The following TBC1D32 variants were observed in gnomAD, a reference collection of about 807,000 sequenced individuals.
The protein encoded by TBC1D32 is TBC1 domain family member 32.
Under a neutral mutation model 170.3 loss-of-function variants are expected in TBC1D32, and 151 were observed. The observed-to-expected ratio is 0.89, with a 90% CI of 0.78 to 1.01. The LOEUF (loss-of-function observed/expected upper bound fraction) is 1.01, where lower values mean the gene tolerates loss of function less well. TBC1D32 is among the 50% of genes least tolerant of loss of function. The pLI is 0.00. For synonymous variants in TBC1D32, 498 were observed against 488.0 expected (o/e 1.02, Z -0.27); for missense variants, 1,464 against 1,457.1 (o/e 1.00, Z -0.08).
At chr6:121,286,977 T>C (rs537910575) in intron 12 of TBC1D32, among the ~76,000 whole-genome samples, 1 of 152,238 alleles carries the variant, frequency 6.6e-6, no homozygotes, top group East Asian at 1.9e-4. Context: ...CCACCAGGCC[T>C]GCCCTAAAAG....
In TBC1D32 at chr6:121,111,501, T is replaced by C. The variant is rs565441033; in HGVS notation, c.3324+1004A>G. On this transcript the variant is annotated intron_variant, in intron 29 of 31. Transcript: ENST00000398212. ...AATCTTCAAGTACAGTTTAAAGGAATAGAATTACTCAAATTCTGGTTAACA... is the reference window on the plus strand; with the variant it reads ...AATCTTCAAGTACAGTTTAAAGGAACAGAATTACTCAAATTCTGGTTAACA... Among the ~76,000 whole-genome samples the C allele has an allele frequency of 9.2e-5, 14 of 152,212 alleles. 1 individual carries two copies. Among genetic ancestry groups the C allele is most frequent in the South Asian group, 4.1e-4 (2 of 4,834 alleles).
At chr6:121,091,435 T>C (rs1159039479) in intron 30 of TBC1D32, among the ~76,000 whole-genome samples, 1 of 152,108 alleles carries the variant, frequency 6.6e-6, no homozygotes, top group Non-Finnish European at 1.5e-5. Context: ...CACAGATGTA[T>C]AATTATGCAG....
intron 21 of TBC1D32, among the ~76,000 whole-genome samples, chr6:121,211,610 C>T (rs1193803351): frequency 6.6e-6 from 1 of 152,168 alleles, no homozygotes; most frequent in African/African-American, 2.4e-5. Flanking sequence ...GTAATCGTCT[C>T]CAATTCCATC....
intron 30 of TBC1D32, among the ~76,000 whole-genome samples, chr6:121,092,097 C>A (rs1445349492): frequency 6.6e-6 from 1 of 152,052 alleles, no homozygotes; most frequent in East Asian, 1.9e-4. Context: ...TTGATTATGG[C>A]CTTTTGGCTC....
At chr6:121,161,205 T>C (rs1269096210) in intron 22 of TBC1D32, 149 bp from the exon 23 acceptor site, 7 of 688,402 alleles carry the variant, frequency 1.0e-5, no homozygotes, top group Non-Finnish European at 7.1e-6. Flanking sequence ...TATATAATTT[T>C]ATTAAGTTCA....
At chr6:121,140,279 C>T (rs1395548237) in intron 24 of TBC1D32, among the ~76,000 whole-genome samples, 1 of 151,256 alleles carries the variant, frequency 6.6e-6, no homozygotes, top group Non-Finnish European at 1.5e-5. Context: ...TATACCTCCC[C>T]CCACCCTGAT....
chr6:121,085,916 G>T (rs1776227956), intron 31 of TBC1D32, among the ~76,000 whole-genome samples: 1 of 151,986 alleles, frequency 6.6e-6, no homozygotes, highest in South Asian at 2.1e-4. Flanking sequence ...GTATAAGAGG[G>T]TATTTCTGAC....
chr6:121,281,464 A>G (rs1051878354), intron 14 of TBC1D32, 80 bp downstream of exon 14: 3 of 1,148,106 alleles, frequency 2.6e-6, no homozygotes, highest in Non-Finnish European at 3.7e-6. Flanking sequence ...AAATATTTCA[A>G]ATTTAGAAAT....
chr6:121,267,153 G>T (rs1316813191), intron 15 of TBC1D32, among the ~76,000 whole-genome samples: 43 of 150,832 alleles, frequency 2.9e-4, no homozygotes, highest in Non-Finnish European at 5.5e-4. Flanking sequence ...TCGGGGGGAG[G>T]TTCCAAGATG....
intron 30 of TBC1D32, among the ~76,000 whole-genome samples, chr6:121,094,838 T>C (rs910950023): frequency 5.3e-5 from 8 of 152,164 alleles, no homozygotes; most frequent in African/African-American, 1.9e-4. Context: ...CTATAAAGAA[T>C]ACTATAATAA....
intron 24 of TBC1D32, among the ~76,000 whole-genome samples, chr6:121,150,904 A>G (rs1784131758): frequency 1.3e-5 from 2 of 149,576 alleles, no homozygotes. Flanking sequence ...TTTCTTCTTT[A>G]GTAGTCTGGC....
chr6:121,275,637 G>T (rs534925622), intron 15 of TBC1D32, among the ~76,000 whole-genome samples: 2 of 152,086 alleles, frequency 1.3e-5, no homozygotes, highest in East Asian at 3.9e-4. Flanking sequence ...GGGATACCTC[G>T]TACTTCCCAT....
At chr6:121,321,847 A>G in intron 1 of TBC1D32, 53 bp from the exon 2 acceptor site, 1 of 1,438,160 alleles carries the variant, frequency 7.0e-7, no homozygotes, top group Non-Finnish European at 9.3e-7. Flanking sequence ...GCATATTCAG[A>G]AAAAAAAATC....
At chr6:121,266,257 C>G (rs1424914408) in intron 15 of TBC1D32, among the ~76,000 whole-genome samples, 1 of 151,846 alleles carries the variant, frequency 6.6e-6, no homozygotes, top group African/African-American at 2.4e-5. Context: ...AAAAAGTAGA[C>G]ATGAATGGAC....
chr6:121,298,019 T>G (rs941504773), intron 10 of TBC1D32, among the ~76,000 whole-genome samples: 3 of 152,100 alleles, frequency 2.0e-5, no homozygotes, highest in African/African-American at 7.2e-5. Context: ...TGGAGTGGTC[T>G]GCAATTTCCA....
At chr6:121,315,927 G>C (rs1045191905) in intron 3 of TBC1D32, among the ~76,000 whole-genome samples, 1 of 151,948 alleles carries the variant, frequency 6.6e-6, no homozygotes, top group Non-Finnish European at 1.5e-5. Flanking sequence ...CTTCTTGATG[G>C]GCAGAGCTCA....
intron 20 of TBC1D32, among the ~76,000 whole-genome samples, chr6:121,224,016 A>C (rs1562969208): frequency 6.6e-6 from 1 of 152,162 alleles, no homozygotes; most frequent in Non-Finnish European, 1.5e-5. Flanking sequence ...ATCACTAAGC[A>C]TCAAATCTAA....
At chr6:121,294,352 G>C (rs183079212) in intron 11 of TBC1D32, among the ~76,000 whole-genome samples, 41 of 152,166 alleles carry the variant, frequency 2.7e-4, no homozygotes, top group Admixed American at 2.6e-3. Context: ...ATAAGAATCA[G>C]TATGGTTGTA....
In TBC1D32 at chr6:121,239,174, G is replaced by T; in HGVS notation, c.2260C>A (p.Leu754Ile). The T allele has an allele frequency of 6.3e-7, 1 of 1,581,180 alleles. No individual in the cohort carries two copies. The highest frequency in any genetic ancestry group is 8.7e-7 in the Non-Finnish European group (1 of 1,154,322). The change falls in exon 20 of 32, where the codon CTT (leucine) becomes ATT (isoleucine). Residue 754 changes from leucine to isoleucine, a missense_variant. Physicochemically the swap from Leu to Ile is conservative, Grantham distance 5 (BLOSUM62 2). Around this residue, in one of 3 missense-constraint regions of TBC1D32, gnomAD observed 1,363 missense variants for 1,338.1 expected, o/e 1.02. Coordinates refer to ENST00000398212, the MANE Select transcript of TBC1D32 (RefSeq NM_152730.6). ...ALKKSGFINELITELWSNLEY... is the reference protein window; with the variant it reads ...ALKKSGFINEIITELWSNLEY... ...AGATTGGACCATAATTCAGTTATAA[G>T]TTCATTAATAAACCCTAAAAAGAAT...
Sources: gnomAD v4.1 joint callset for allele counts (sites outside exome capture counted in the v4.1 genomes callset) on GRCh38, gnomAD v4.1.1 for gene constraint, gnomAD v4.1.1 regional missense constraint, MANE v1.5 for transcripts, NCBI Gene and HGNC (gene_info 2026-07-23, HGNC 2026-07-21) for gene names.